ARHGAP18: variants seen among roughly 807,000 people sequenced by gnomAD.
ARHGAP18 encodes the protein rho GTPase-activating protein 18.
In ARHGAP18, 67 loss-of-function variants were observed where a neutral mutation model predicts 86.2. That is an observed-to-expected ratio of 0.78 (90% confidence interval 0.64 to 0.95). The LOEUF is 0.95. Among genes scored for constraint, ARHGAP18 ranks in the 40% least tolerant of loss-of-function variants. ARHGAP18 has a pLI of 0.00. For synonymous variants in ARHGAP18, 283 were observed against 280.4 expected (o/e 1.01, Z -0.09); for missense variants, 691 against 780.4 (o/e 0.89, Z 1.37).
At chr6:129,633,434 C>CAAAAA (rs34853507) in intron 4 of ARHGAP18, among the ~76,000 whole-genome samples, 2 of 104,428 alleles carry the variant, frequency 1.9e-5, no homozygotes, top group Non-Finnish European at 3.9e-5. Flanking sequence ...GACTCCACCT[C>CAAAAA]AAAAAAAAAA....
At chr6:129,659,642 T>C (rs1374742341) in intron 1 of ARHGAP18, among the ~76,000 whole-genome samples, 1 of 152,076 alleles carries the variant, frequency 6.6e-6, no homozygotes, top group East Asian at 1.9e-4. Flanking sequence ...CTAATCTTTT[T>C]TGTATTTTTA....
chr6:129,702,216 T>C (rs558656632), intron 1 of ARHGAP18, among the ~76,000 whole-genome samples: 1 of 152,190 alleles, frequency 6.6e-6, no homozygotes, highest in South Asian at 2.1e-4. Context: ...CGGGTCTCCA[T>C]GGTTTCTGTT....
chr6:129,580,867 C>T (rs886410209), intron 13 of ARHGAP18, among the ~76,000 whole-genome samples: 1 of 151,838 alleles, frequency 6.6e-6, no homozygotes, highest in South Asian at 2.1e-4. Context: ...AGAATGAGAT[C>T]CTGTCTCCAA....
intron 1 of ARHGAP18, among the ~76,000 whole-genome samples, chr6:129,665,072 A>G (rs1774013600): frequency 2.0e-5 from 3 of 152,190 alleles, no homozygotes; most frequent in African/African-American, 4.8e-5. Flanking sequence ...TAGAAGTGTG[A>G]TAAGTTCCTT....
rs565311000 is a variant in ARHGAP18, at chr6:129,598,535, G to A, written c.1713+681C>T. On this transcript the variant is annotated intron_variant, in intron 12 of 14. Transcript: ENST00000368149. Reference sequence around the variant, plus strand: ...AAACCCTTTCATTTCATGAACTTACGCTACAGCTTTGGTAACTTACTTCAT... The same window carrying A: ...AAACCCTTTCATTTCATGAACTTACACTACAGCTTTGGTAACTTACTTCAT... Among the ~76,000 whole-genome samples the A allele has an allele frequency of 2.1e-3, 314 of 152,230 alleles. 1 individual carries two copies. Among genetic ancestry groups the A allele is most frequent in the Middle Eastern group, 0.01 (3 of 294 alleles).
intron 1 of ARHGAP18, among the ~76,000 whole-genome samples, chr6:129,650,590 T>C (rs1773688528): frequency 6.6e-6 from 1 of 152,194 alleles, no homozygotes; most frequent in Non-Finnish European, 1.5e-5. Flanking sequence ...AAAATCATCT[T>C]CCAAGACAAG....
intron 13 of ARHGAP18, among the ~76,000 whole-genome samples, chr6:129,582,566 G>T (rs1179685459): frequency 6.6e-6 from 1 of 152,146 alleles, no homozygotes; most frequent in East Asian, 1.9e-4. Flanking sequence ...AGAGGATGTG[G>T]ATTGACTTTG....
At chr6:129,594,630 A>G (rs1164825779) in intron 12 of ARHGAP18, among the ~76,000 whole-genome samples, 1 of 152,142 alleles carries the variant, frequency 6.6e-6, no homozygotes, top group Non-Finnish European at 1.5e-5. Flanking sequence ...GTTAACCCAA[A>G]GTGTCAAAAA....
At chr6:129,708,635 T>A (rs909805333) in intron 1 of ARHGAP18, among the ~76,000 whole-genome samples, 3 of 152,172 alleles carry the variant, frequency 2.0e-5, no homozygotes, top group African/African-American at 7.2e-5. Flanking sequence ...AAGATTCAGC[T>A]CAGGTCCTCA....
Position 129,707,656 on chromosome 6 carries a change from T to G in ARHGAP18, c.113+2368A>C, listed in dbSNP as rs1358979321. On this transcript the variant is annotated intron_variant, in intron 1 of 14. Transcript: ENST00000368149. ...AGTTTGTTTGTGGTTTCTTGTTTTTTTTTTTTTTTTTGTATTTTTGGTAGA... is the reference window on the plus strand; with the variant it reads ...AGTTTGTTTGTGGTTTCTTGTTTTTGTTTTTTTTTTTGTATTTTTGGTAGA... Among the ~76,000 whole-genome samples the G allele has an allele frequency of 4.4e-3, 661 of 150,262 alleles. 6 individuals are homozygous for G. Among genetic ancestry groups the G allele is most frequent in the African/African-American group, 0.012 (503 of 41,002 alleles).
intron 1 of ARHGAP18, among the ~76,000 whole-genome samples, chr6:129,645,939 T>C (rs940651492): frequency 6.6e-6 from 1 of 152,228 alleles, no homozygotes; most frequent in Non-Finnish European, 1.5e-5. Flanking sequence ...TTTCCCGTGA[T>C]ACATTTTCCA....
In ARHGAP18 at chr6:129,621,363, G is replaced by A. The variant is rs113416663; in HGVS notation, c.787-2511C>T. ...AAGAGGAAAGGGGTCTTTCTTAACC[G>A]TTCGTAATGTGTTTTTTTTCCTAGG... is the stretch of plus-strand genomic sequence containing the variant. On this transcript the variant is annotated intron_variant, in intron 5 of 14. Transcript: ENST00000368149. Among the ~76,000 whole-genome samples, 1,044 of 152,252 alleles carry A rather than the reference G, an allele frequency of 6.9e-3. 11 individuals are homozygous for A. The highest frequency in any genetic ancestry group is 0.023 in the African/African-American group (969 of 41,542).
rs1554336084 is a variant in ARHGAP18, at chr6:129,625,376, T to TTATATATTATATATTTA, written c.786+3960_786+3976dup. Among the ~76,000 whole-genome samples the TTATATATTATATATTTA allele has an allele frequency of 2.0e-4, 16 of 79,238 alleles. 4 individuals are homozygous for TTATATATTATATATTTA. The highest frequency in any genetic ancestry group is 9.3e-4 in the African/African-American group (15 of 16,074). 52.0% of individuals were successfully genotyped at this position (79,238 alleles called of 152,430 possible). On this transcript the variant is annotated intron_variant, in intron 5 of 14. Transcript: ENST00000368149. ...TATATATTATGTATATTTATATATATTATATATTATATATTTATACATATG... is the reference window on the plus strand; with the variant it reads ...TATATATTATGTATATTTATATATATTATATATTATATATTTATATATATTATATATTTATACATATG...
intron 5 of ARHGAP18, among the ~76,000 whole-genome samples, chr6:129,624,584 C>T (rs1789300741): frequency 2.0e-5 from 3 of 151,724 alleles, no homozygotes; most frequent in Admixed American, 2.0e-4. Context: ...CAGAGTGGAT[C>T]ATCATTTTAG....
At chr6:129,683,095 G>A (rs375186071) in intron 1 of ARHGAP18, among the ~76,000 whole-genome samples, 6 of 145,226 alleles carry the variant, frequency 4.1e-5, no homozygotes, top group East Asian at 4.0e-4. Flanking sequence ...TTTTTGAGAC[G>A]GAGTCTCGCT....
chr6:129,604,337 G>A (rs558896862), intron 10 of ARHGAP18, among the ~76,000 whole-genome samples: 63 of 152,116 alleles, frequency 4.1e-4, no homozygotes, highest in Middle Eastern at 3.4e-3. Flanking sequence ...GGCAAAGCCC[G>A]AAGAAGAGTT....
intron 9 of ARHGAP18, among the ~76,000 whole-genome samples, chr6:129,607,266 T>C (rs1174724101): frequency 1.3e-5 from 2 of 152,148 alleles, no homozygotes; most frequent in Non-Finnish European, 2.9e-5. Flanking sequence ...AAATGGATAA[T>C]TAGGCCAGTA....
At position 129,629,671 on chromosome 6, in the gene ARHGAP18, C is replaced by T. The variant is rs1048973960; in HGVS notation, c.617-149G>A. On this transcript the variant is annotated intron_variant, in intron 4 of 14. Transcript: ENST00000368149. ...CGTTATTTTAATACTAAAGAGTATACTCAAGAATCCTATCAATGGTGCATG... is the reference window on the plus strand; with the variant it reads ...CGTTATTTTAATACTAAAGAGTATATTCAAGAATCCTATCAATGGTGCATG... 48 of 798,708 alleles carry T rather than the reference C, an allele frequency of 6.0e-5. No homozygotes were observed. The African/African-American group carries it at 8.0e-4, about 13-fold the overall frequency. 49.5% of individuals were successfully genotyped at this position (798,708 alleles called of 1,614,324 possible). A position where few individuals can be genotyped will look rare whatever the true frequency, so the allele number is the denominator to read the frequency against.
chr6:129,629,556 T>C (rs760860829), intron 4 of ARHGAP18, 34 bp from the exon 5 acceptor site: 6 of 1,568,252 alleles, frequency 3.8e-6, no homozygotes, highest in Admixed American at 4.2e-5. Context: ...CCAATTCATA[T>C]GCTTTATTTA....
Sources: allele counts gnomAD v4.1 joint callset (sites outside exome capture counted in the v4.1 genomes callset), GRCh38; gene constraint gnomAD v4.1.1; transcripts MANE v1.5; gene names NCBI Gene and HGNC (gene_info 2026-07-23, HGNC 2026-07-21).